SHTN1: variants seen among roughly 807,000 people sequenced by gnomAD.
SHTN1 encodes shootin 1.
SHTN1 carries 42 observed loss-of-function variants against 83.1 expected under a neutral mutation model. That is an observed-to-expected ratio of 0.51 (90% CI 0.39 to 0.65). The LOEUF is 0.65. Ranked by LOEUF, SHTN1 falls within the 30% of genes least tolerant of loss-of-function variation. The probability of loss-of-function intolerance (pLI) is 0.00; values close to 1 mark genes in which losing one functional copy is unlikely to be tolerated. For synonymous variants in SHTN1, 224 were observed against 247.7 expected (o/e 0.90, Z 0.90); for missense variants, 622 against 737.8 (o/e 0.84, Z 1.82).
chr10:117,008,103 G>C (rs945682530), upstream of SHTN1, among the ~76,000 whole-genome samples: 4 of 152,138 alleles, frequency 2.6e-5, no homozygotes, highest in Non-Finnish European at 5.9e-5. Context: ...CCTTAAAAAT[G>C]TGTGTGTTTA....
At chr10:116,907,631 T>A (rs1010086930) in intron 14 of SHTN1, among the ~76,000 whole-genome samples, 1 of 152,202 alleles carries the variant, frequency 6.6e-6, no homozygotes, top group Non-Finnish European at 1.5e-5. Context: ...AAGGATTTAA[T>A]ACATCAACAA....
chr10:116,907,895 T>G (rs1459294162), intron 14 of SHTN1: 1 of 518,420 alleles, frequency 1.9e-6, no homozygotes, highest in South Asian at 1.4e-5. Flanking sequence ...GCCTTAATCC[T>G]GCTCCCTCCC....
rs114938597 is a variant in SHTN1 at position 117,038,714 on chromosome 10, T to C, written c.-123+9731A>G. Among the ~76,000 whole-genome samples, 236 of 152,276 alleles carry C rather than the reference T, an allele frequency of 1.5e-3. 1 individual carries two copies. Among genetic ancestry groups the C allele is most frequent in the African/African-American group, 5.4e-3 (225 of 41,566 alleles). On this transcript the variant is annotated intron_variant, in intron 2 of 17. Transcript: ENST00000392901. ...CACCTAACCAAAGAAGATATTTAGA[T>C]GGCAAATATGCATATGAAAAGAAGA...
At chr10:116,961,800 TTGAC>T (rs1446555368) in intron 3 of SHTN1, among the ~76,000 whole-genome samples, 1 of 152,212 alleles carries the variant, frequency 6.6e-6, no homozygotes, top group African/African-American at 2.4e-5. Flanking sequence ...GAGAGTTTCT[TTGAC>T]TGCTCAAGAT....
In SHTN1 at chr10:117,104,802, C is replaced by T. The variant is rs548423505; in HGVS notation, c.-189+21505G>A. 5.9e-5 allele frequency among the ~76,000 whole-genome samples: 9 copies of T among 151,848 alleles called. No individual in the cohort carries two copies. The East Asian group carries it at 1.5e-3, about 26-fold the overall frequency. On this transcript the variant is annotated intron_variant, in intron 1 of 17. Coordinates refer to the SHTN1 transcript ENST00000392901. Reference sequence around the variant, plus strand: ...ACAACAACAACAAAAATTTTAAAACCTTAAAAAGATTATTTGTCATGAATA... The same window carrying T: ...ACAACAACAACAAAAATTTTAAAACTTTAAAAAGATTATTTGTCATGAATA...
chr10:116,917,429 C>G (rs941852262), intron 12 of SHTN1, among the ~76,000 whole-genome samples: 2 of 152,146 alleles, frequency 1.3e-5, no homozygotes, highest in African/African-American at 4.8e-5. Context: ...CTCAGCCTCT[C>G]GAGTAGCTGG....
chr10:117,004,901 G>C, intron 1 of SHTN1, 121 bp downstream of exon 1: 1 of 792,970 alleles, frequency 1.3e-6, no homozygotes, highest in South Asian at 2.0e-5. Context: ...GAGCTACTGC[G>C]GTGACCACGG....
intron 3 of SHTN1, among the ~76,000 whole-genome samples, chr10:116,960,483 G>T (rs181445293): frequency 2.0e-5 from 3 of 151,992 alleles, no homozygotes; most frequent in African/African-American, 7.3e-5. Flanking sequence ...TTTTAAGAGC[G>T]CTATTTAGAT....
At chr10:117,022,979 C>T (rs1852284707) in intron 2 of SHTN1, among the ~76,000 whole-genome samples, 1 of 152,146 alleles carries the variant, frequency 6.6e-6, no homozygotes, top group Admixed American at 6.5e-5. Context: ...TTTCAAGTCT[C>T]CAATTTATTT....
chr10:117,022,365 G>T (rs949155777), intron 2 of SHTN1, among the ~76,000 whole-genome samples: 1 of 152,016 alleles, frequency 6.6e-6, no homozygotes, highest in East Asian at 1.9e-4. Flanking sequence ...CAATCTTTAC[G>T]TTCAGCAAGT....
chr10:117,026,964 C>T (rs1056671656), intron 2 of SHTN1, among the ~76,000 whole-genome samples: 12 of 152,340 alleles, frequency 7.9e-5, no homozygotes, highest in African/African-American at 2.9e-4. Context: ...TGACCCAGCA[C>T]AGTCCCAATG....
chr10:116,911,351 A>T, intron 14 of SHTN1: 1 of 1,011,724 alleles, frequency 9.9e-7, no homozygotes, highest in Non-Finnish European at 1.4e-6. Flanking sequence ...CTGTGAGGAA[A>T]GGCAGACTGT....
chr10:116,942,969 T>C (rs896482104), intron 8 of SHTN1, among the ~76,000 whole-genome samples: 4 of 152,222 alleles, frequency 2.6e-5, no homozygotes, highest in Non-Finnish European at 4.4e-5. Context: ...TGAGAATGCA[T>C]AAACTTTGTA....
chr10:117,041,564 C>T (rs1347744862), intron 2 of SHTN1, among the ~76,000 whole-genome samples: 1 of 152,094 alleles, frequency 6.6e-6, no homozygotes, highest in Non-Finnish European at 1.5e-5. Context: ...TATACACAGG[C>T]TTATAGTTCA....
In SHTN1 at chr10:116,927,875, T is replaced by C; in HGVS notation, c.1029A>G (p.Lys343=). Reference sequence around the variant, plus strand: ...CTGAATTCTCAGACTGGTTCACTCGTTTCTGGAGTTCATCAACTGCACAGA... The same window carrying C: ...CTGAATTCTCAGACTGGTTCACTCGCTTCTGGAGTTCATCAACTGCACAGA... ...NLKHSVDELQ[K]RVNQSENSVP... The change falls in exon 11 of 17, where the codon AAA becomes AAG. Residue 343 remains lysine, a synonymous_variant. Transcript: ENST00000355371. 3.7e-6 allele frequency: 6 copies of C among 1,612,550 alleles called. No individual in the cohort carries two copies. Among genetic ancestry groups the C allele is most frequent in the Non-Finnish European group, 5.1e-6 (6 of 1,179,304 alleles).
rs527458226 is a variant in SHTN1, at chr10:117,096,727, G to A, written c.-189+29580C>T. Among the ~76,000 whole-genome samples the A allele has an allele frequency of 2.0e-5, 3 of 152,248 alleles. No homozygotes were observed. In the East Asian group the frequency reaches 5.8e-4, roughly 29 times the overall value. ...AATGCAGCTCCGGAGCCGCCACCAG[G>A]CTGCCTGTTCAGCTGCCAGTGGCTT... On this transcript the variant is annotated intron_variant, in intron 1 of 17. Transcript: ENST00000392901.
At chr10:116,984,553 T>A (rs1851159555) in intron 1 of SHTN1, among the ~76,000 whole-genome samples, 1 of 152,168 alleles carries the variant, frequency 6.6e-6, no homozygotes, top group Non-Finnish European at 1.5e-5. Flanking sequence ...TACCTAGTCC[T>A]CAAGCTACTA....
chr10:117,110,204 G>C (rs1356356857), intron 1 of SHTN1, among the ~76,000 whole-genome samples: 1 of 152,184 alleles, frequency 6.6e-6, no homozygotes, highest in African/African-American at 2.4e-5. Context: ...TGATCCCTAA[G>C]AACTACCTTG....
intron 4 of SHTN1, among the ~76,000 whole-genome samples, chr10:116,956,212 C>A (rs1447938141): frequency 3.3e-5 from 5 of 152,192 alleles, no homozygotes; most frequent in African/African-American, 7.2e-5. Context: ...CTATGCCATA[C>A]CCAAATCTCT....
Sources: gnomAD v4.1 joint callset for allele counts (sites outside exome capture counted in the v4.1 genomes callset) on GRCh38, gnomAD v4.1.1 for gene constraint, MANE v1.5 for transcripts, NCBI Gene and HGNC (gene_info 2026-07-23, HGNC 2026-07-21) for gene names.